NLRP5: variants seen among roughly 807,000 people sequenced by gnomAD.
The protein encoded by NLRP5 is NACHT, LRR and PYD domains-containing protein 5.
A neutral mutation model predicts 113.1 loss-of-function variants in NLRP5; 93 were observed. The observed-to-expected ratio is 0.82, with a 90% CI of 0.70 to 0.98. The LOEUF (loss-of-function observed/expected upper bound fraction) is 0.98, where lower values mean the gene tolerates loss of function less well. NLRP5 is among the 50% of genes least tolerant of loss of function. The pLI is 0.00. For synonymous variants in NLRP5, 751 were observed against 600.7 expected (o/e 1.25, Z -3.66); for missense variants, 1,808 against 1,514.3 (o/e 1.19, Z -3.22).
At chr19:56,051,091 G>C (rs958630453) in intron 12 of NLRP5, among the ~76,000 whole-genome samples, 1 of 152,120 alleles carries the variant, frequency 6.6e-6, no homozygotes, top group Non-Finnish European at 1.5e-5. Context: ...ATGTCTTCTG[G>C]GGTTCTCTTG....
intron 4 of NLRP5, among the ~76,000 whole-genome samples, chr19:56,016,644 T>G (rs1439615154): frequency 6.6e-6 from 1 of 152,190 alleles, no homozygotes; most frequent in Non-Finnish European, 1.5e-5. Flanking sequence ...ACCACTGTTC[T>G]ACCCTCCAAT....
chr19:56,039,754 A>T (rs565879889), intron 10 of NLRP5, among the ~76,000 whole-genome samples: 2 of 152,248 alleles, frequency 1.3e-5, no homozygotes, highest in South Asian at 4.1e-4. Context: ...TCTACTAAAA[A>T]TACAAAAAAA....
chr19:56,007,923 G>A (rs1221992292), intron 2 of NLRP5, among the ~76,000 whole-genome samples: 4 of 121,254 alleles, frequency 3.3e-5, no homozygotes, highest in Non-Finnish European at 7.2e-5. Flanking sequence ...GTGTGTGTGT[G>A]TGTGTGTGTG....
At chr19:56,024,539 ATGTATGTATATG>A (rs1568489619) in intron 6 of NLRP5, among the ~76,000 whole-genome samples, 4 of 143,592 alleles carry the variant, frequency 2.8e-5, no homozygotes, top group African/African-American at 7.7e-5. Context: ...ACATATGTAT[ATGTATGTATATG>A]TGTATATATG....
intron 4 of NLRP5, among the ~76,000 whole-genome samples, chr19:56,017,429 C>A (rs1982451320): frequency 6.6e-6 from 1 of 152,080 alleles, no homozygotes. Context: ...TATAAATTTT[C>A]CTTTATGCAC....
intron 11 of NLRP5, among the ~76,000 whole-genome samples, chr19:56,049,826 C>A (rs939020729): frequency 4.6e-5 from 7 of 152,080 alleles, no homozygotes; most frequent in African/African-American, 1.7e-4. Context: ...TAACTAAGCT[C>A]CTGTATTTTT....
intron 14 of NLRP5, among the ~76,000 whole-genome samples, chr19:56,060,852 A>G (rs763589783): frequency 1.3e-5 from 2 of 152,142 alleles, no homozygotes; most frequent in Non-Finnish European, 2.9e-5. Context: ...AAAAAGCCCT[A>G]TATTGCAGGT....
Position 56,028,096 on chromosome 19 carries a change from T to C in NLRP5, c.1863T>C (p.Leu621=). ...AGAAGACAAAGAGGTCCATGGAGCT[T>C]AAACAGGCAGGCTTCCATATCCACT... Residue 621 remains leucine (L), a synonymous_variant, in exon 7 of 15, where the codon CTT becomes CTC. Transcript: ENST00000390649. 6.2e-7 allele frequency: 1 copy of C among 1,614,016 alleles called. No individual in the cohort carries two copies.
At chr19:56,003,687 G>A (rs771365427) in intron 1 of NLRP5, 49 bp from the exon 2 acceptor site, 6 of 1,557,206 alleles carry the variant, frequency 3.9e-6, no homozygotes, top group Non-Finnish European at 5.2e-6. Context: ...GTATCTACTT[G>A]AGAATTTGCT....
At chr19:55,996,142 C>T (rs1981317513), upstream of NLRP5, among the ~76,000 whole-genome samples, 1 of 152,018 alleles carries the variant, frequency 6.6e-6, no homozygotes, top group Admixed American at 6.6e-5. Context: ...CTTTTTCTTC[C>T]CTAATTGCTC....
At chr19:56,058,585 G>A (rs1984244311) in intron 14 of NLRP5, among the ~76,000 whole-genome samples, 175 bp downstream of exon 14, 1 of 152,210 alleles carries the variant, frequency 6.6e-6, no homozygotes, top group Admixed American at 6.5e-5. Context: ...GGAGATACAG[G>A]AATATGGGAG....
chr19:56,003,651 A>G, intron 1 of NLRP5, 85 bp from the exon 2 acceptor site: 3 of 1,475,096 alleles, frequency 2.0e-6, no homozygotes, highest in South Asian at 1.3e-5. Context: ...AAGGCCGTTC[A>G]TCTAGTGAGG....
chr19:55,999,716 C>G (rs35427984), upstream of NLRP5: 1,476,746 of 1,604,192 alleles, frequency 0.92, 680,066 homozygotes, highest in African/African-American at 0.98. Context: ...CTTTCCATGG[C>G]GATGTTATCA....
At chr19:56,041,221 A>G (rs1983511519) in intron 11 of NLRP5, 129 bp downstream of exon 11, 1 of 834,464 alleles carries the variant, frequency 1.2e-6, no homozygotes, top group African/African-American at 1.7e-5. Flanking sequence ...TATATGCTGA[A>G]TTCTGTCCAT....
chr19:56,015,792 G>A lies in NLRP5; in HGVS notation c.559G>A (p.Glu187Lys). ...TAGTGCCACAGCTGCAGAGACAAAA[G>A]AACAAGGTGAATGAAATAGATCTAT... Residue 187 changes from glutamate (E) to lysine (K), a missense_variant, in exon 4 of 15, where the codon GAA (glutamate) becomes AAA (lysine). By Grantham distance (56) the Glu-to-Lys change is moderately conservative (BLOSUM62 1). Coordinates refer to ENST00000390649, the MANE Select transcript of NLRP5 (RefSeq NM_153447.4). The A allele has an allele frequency of 1.3e-6, 2 of 1,566,820 alleles. No homozygotes were observed. The highest frequency in any genetic ancestry group is 1.7e-6 in the Non-Finnish European group (2 of 1,154,592).
intron 9 of NLRP5, among the ~76,000 whole-genome samples, chr19:56,034,017 C>G (rs937288576): frequency 3.3e-5 from 5 of 152,224 alleles, no homozygotes; most frequent in African/African-American, 4.8e-5. Context: ...TGGTCCTCCC[C>G]GCTTGGCCTC....
chr19:56,032,068 A>G (rs1220847207), intron 7 of NLRP5, among the ~76,000 whole-genome samples: 2 of 152,064 alleles, frequency 1.3e-5, no homozygotes, highest in African/African-American at 4.8e-5. Flanking sequence ...AGGGCTGGGC[A>G]CGGTGGTGGC....
At chr19:56,061,234 A>G (rs1326000275) in intron 14 of NLRP5, among the ~76,000 whole-genome samples, 162 bp from the exon 15 acceptor site, 2 of 152,220 alleles carry the variant, frequency 1.3e-5, no homozygotes, top group Non-Finnish European at 2.9e-5. Flanking sequence ...GCCATCCTAC[A>G]AACTCAATAA....
At chr19:56,058,447 T>G in intron 14 of NLRP5, 37 bp downstream of exon 14, 1 of 1,560,892 alleles carries the variant, frequency 6.4e-7, no homozygotes, top group South Asian at 1.2e-5. Context: ...GATACAGACC[T>G]GCTTCTGTTC....
Sources: allele counts gnomAD v4.1 joint callset (sites outside exome capture counted in the v4.1 genomes callset), GRCh38; gene constraint gnomAD v4.1.1; transcripts MANE v1.5; gene names NCBI Gene and HGNC (gene_info 2026-07-23, HGNC 2026-07-21).